The following CHRM3 variants were observed in gnomAD, a reference collection of about 807,000 sequenced individuals.
The protein encoded by CHRM3 is muscarinic acetylcholine receptor M3.
CHRM3 carries 11 observed loss-of-function variants against 41.8 expected under a neutral mutation model. The observed-to-expected ratio is 0.26, with a 90% CI of 0.17 to 0.44. CHRM3 has a LOEUF of 0.44. Ranked by LOEUF, CHRM3 falls within the 20% of genes least tolerant of loss-of-function variation. The pLI is 1.00. For synonymous variants in CHRM3, 297 were observed against 301.4 expected (o/e 0.99, Z 0.15); for missense variants, 571 against 745.4 (o/e 0.77, Z 2.72).
chr1:239,682,706 T>C (rs1658686364), intron 5 of CHRM3, among the ~76,000 whole-genome samples: 1 of 152,064 alleles, frequency 6.6e-6, no homozygotes, highest in East Asian at 1.9e-4. Context: ...ACATGGACAC[T>C]TGGTAATTTT....
intron 5 of CHRM3, among the ~76,000 whole-genome samples, chr1:239,789,916 C>G (rs1045856229): frequency 6.6e-6 from 1 of 152,156 alleles, no homozygotes; most frequent in African/African-American, 2.4e-5. Context: ...GATCAGAGAC[C>G]TGGATGTGAG....
intron 1 of CHRM3, among the ~76,000 whole-genome samples, chr1:239,410,037 G>A (rs1327279271): frequency 6.6e-6 from 1 of 152,146 alleles, no homozygotes; most frequent in East Asian, 1.9e-4. Context: ...CTATGCTCTG[G>A]ATACTAGAGC....
chr1:239,488,687 C>A (rs1458567987), intron 1 of CHRM3, among the ~76,000 whole-genome samples: 2 of 122,194 alleles, frequency 1.6e-5, no homozygotes, highest in East Asian at 4.9e-4. Context: ...TGCACTCCAG[C>A]CTGGATGACA....
chr1:239,734,897 T>C (rs1373835452), intron 5 of CHRM3, among the ~76,000 whole-genome samples: 1 of 152,158 alleles, frequency 6.6e-6, no homozygotes, highest in Non-Finnish European at 1.5e-5. Flanking sequence ...GAATTCGTTA[T>C]GTCTCTACAT....
intron 5 of CHRM3, among the ~76,000 whole-genome samples, chr1:239,804,700 G>T (rs1218762839): frequency 6.6e-6 from 1 of 152,144 alleles, no homozygotes. Flanking sequence ...CCTGCAACTC[G>T]GTTCGAGCTA....
intron 3 of CHRM3, among the ~76,000 whole-genome samples, chr1:239,549,696 G>A (rs1659635229): frequency 6.6e-6 from 1 of 150,856 alleles, no homozygotes; most frequent in Admixed American, 6.6e-5. Context: ...CCTTCTGAAG[G>A]AGACTGATTA....
intron 1 of CHRM3, among the ~76,000 whole-genome samples, chr1:239,423,895 A>G (rs1662149832): frequency 6.6e-6 from 1 of 151,858 alleles, no homozygotes; most frequent in Non-Finnish European, 1.5e-5. Flanking sequence ...CTCTACTTGA[A>G]ATACAAAAAA....
At position 239,908,108 on chromosome 1, in the gene CHRM3, A is replaced by G; in HGVS notation, c.657A>G (p.Gly219=). The G allele has an allele frequency of 6.2e-7, 1 of 1,614,144 alleles. No homozygotes were observed. Among genetic ancestry groups the G allele is most frequent in the Non-Finnish European group, 8.5e-7 (1 of 1,180,030 alleles). Residue 219 remains glycine, a synonymous_variant, in exon 7 of 7, where the codon GGA becomes GGG. Coordinates refer to ENST00000676153, the MANE Select transcript of CHRM3 (RefSeq NM_001375978.1). The surrounding 1 kb of genome is among the most constrained non-coding windows in gnomAD (Gnocchi z 7.2). ...YFVGKRTVPP[G]ECFIQFLSEP... The stretch of plus-strand genomic sequence containing the variant: ...TTGGAAAGAGAACTGTGCCTCCGGG[A>G]GAGTGCTTCATTCAGTTCCTCAGTG...
At chr1:239,631,399 A>G (rs1669817872) in intron 3 of CHRM3, among the ~76,000 whole-genome samples, 1 of 152,018 alleles carries the variant, frequency 6.6e-6, no homozygotes, top group Non-Finnish European at 1.5e-5. Flanking sequence ...TCCTCTTTTC[A>G]TTTGGTGTCA....
chr1:239,899,276 AGTGTGTGTGT>A (rs71168861), intron 6 of CHRM3, among the ~76,000 whole-genome samples: 9 of 134,636 alleles, frequency 6.7e-5, no homozygotes, highest in South Asian at 2.4e-4. Context: ...TTTTGAACTC[AGTGTGTGTGT>A]GTGTGTGTGT....
chr1:239,501,353 C>G (rs1226495970), intron 2 of CHRM3, among the ~76,000 whole-genome samples: 1 of 152,072 alleles, frequency 6.6e-6, no homozygotes, highest in Non-Finnish European at 1.5e-5. Context: ...TGGAACTTTC[C>G]TAAAGATAGA....
chr1:239,589,126 G>A (rs1322395210), intron 3 of CHRM3, among the ~76,000 whole-genome samples: 1 of 151,882 alleles, frequency 6.6e-6, no homozygotes, highest in Non-Finnish European at 1.5e-5. Context: ...TAGAGACAGG[G>A]TTTCACCATG....
At chr1:239,442,849 G>A (rs1344899597) in intron 1 of CHRM3, among the ~76,000 whole-genome samples, 1 of 152,156 alleles carries the variant, frequency 6.6e-6, no homozygotes, top group Non-Finnish European at 1.5e-5. Context: ...TCTCCGTGTG[G>A]AGTGAATTTC....
intron 1 of CHRM3, among the ~76,000 whole-genome samples, chr1:239,404,420 AAGAAAG>A (rs1558195858): frequency 3.5e-4 from 33 of 93,718 alleles, no homozygotes; most frequent in African/African-American, 1.4e-3. Context: ...AAAAGAAAGA[AAGAAAG>A]AAAGAAAGAA....
intron 5 of CHRM3, among the ~76,000 whole-genome samples, chr1:239,818,738 G>A (rs1441354145): frequency 6.6e-6 from 1 of 152,194 alleles, no homozygotes; most frequent in Non-Finnish European, 1.5e-5. Context: ...TAGAATGGAT[G>A]TTCTGCTGAG....
chr1:239,413,754 G>A (rs1399249928), intron 1 of CHRM3, among the ~76,000 whole-genome samples: 1 of 152,212 alleles, frequency 6.6e-6, no homozygotes. Context: ...GGATTTAGAT[G>A]TTTTTGAAAA....
At chr1:239,595,665 A>T (rs114644013) in intron 3 of CHRM3, among the ~76,000 whole-genome samples, 1,533 of 152,222 alleles carry the variant, frequency 0.01, 11 homozygotes, top group Non-Finnish European at 0.018. Flanking sequence ...GTATTCATTC[A>T]TTTGGGTGGA....
At chr1:239,535,482 A>G (rs1430483524) in intron 2 of CHRM3, among the ~76,000 whole-genome samples, 1 of 147,062 alleles carries the variant, frequency 6.8e-6, no homozygotes, top group African/African-American at 2.5e-5. Flanking sequence ...GTATGTTTTC[A>G]GTCCTTTCTA....
intron 6 of CHRM3, among the ~76,000 whole-genome samples, chr1:239,880,137 C>T (rs571849360): frequency 6.6e-6 from 1 of 152,286 alleles, no homozygotes; most frequent in Non-Finnish European, 1.5e-5. Context: ...CAAGGCAATC[C>T]GAGGCATAGA....
Sources: allele counts gnomAD v4.1 joint callset (sites outside exome capture counted in the v4.1 genomes callset), GRCh38; gene constraint gnomAD v4.1.1; non-coding constraint Gnocchi (gnomAD v3.1); transcripts MANE v1.5; gene names NCBI Gene and HGNC (gene_info 2026-07-23, HGNC 2026-07-21).